The following MYO1D variants were observed in gnomAD, a reference collection of about 807,000 sequenced individuals.
MYO1D encodes unconventional myosin-Id.
Under a neutral mutation model 122.0 loss-of-function variants are expected in MYO1D, and 83 were observed. The ratio of observed to expected loss-of-function variants is 0.68; its 90% CI spans 0.57 to 0.82. The LOEUF is 0.82. Ranked by LOEUF, MYO1D falls within the 40% of genes least tolerant of loss-of-function variation. The pLI, the probability that MYO1D is intolerant of heterozygous loss-of-function variation, is 0.00. For missense variants in MYO1D, 1,157 were observed against 1,269.5 expected (o/e 0.91, Z 1.35); for synonymous variants, 464 against 446.9 (o/e 1.04, Z -0.48).
chr17:32,719,498 C>T (rs545733115), intron 15 of MYO1D, among the ~76,000 whole-genome samples: 1 of 152,092 alleles, frequency 6.6e-6, no homozygotes, highest in Non-Finnish European at 1.5e-5. Context: ...CTACAGGCGC[C>T]CGCCACCACG....
chr17:32,541,617 G>A (rs1374373911), intron 21 of MYO1D, among the ~76,000 whole-genome samples: 3 of 152,182 alleles, frequency 2.0e-5, no homozygotes, highest in African/African-American at 7.2e-5. Context: ...TAGTTAGCTA[G>A]AAAGTATCTA....
At chr17:32,802,651 C>T (rs914562652) in intron 1 of MYO1D, among the ~76,000 whole-genome samples, 29 of 152,144 alleles carry the variant, frequency 1.9e-4, no homozygotes, top group African/African-American at 7.0e-4. Flanking sequence ...ATTAAAAACT[C>T]CTAAATTTCA....
chr17:32,733,065 T>G (rs987401137), intron 14 of MYO1D, among the ~76,000 whole-genome samples: 5 of 152,224 alleles, frequency 3.3e-5, no homozygotes, highest in African/African-American at 1.2e-4. Context: ...GTGCAGTGGC[T>G]GGACCTTATG....
chr17:32,542,975 C>T (rs1295699721), intron 21 of MYO1D, among the ~76,000 whole-genome samples: 1 of 152,188 alleles, frequency 6.6e-6, no homozygotes, highest in East Asian at 1.9e-4. Context: ...ACCTGTAATC[C>T]CGGCACTTTG....
At chr17:32,601,448 C>T (rs2087561927) in intron 21 of MYO1D, among the ~76,000 whole-genome samples, 1 of 152,126 alleles carries the variant, frequency 6.6e-6, no homozygotes, top group African/African-American at 2.4e-5. Flanking sequence ...GTCTGTTGTC[C>T]TACATGGGTA....
chr17:32,544,784 C>A (rs977861932), intron 21 of MYO1D, among the ~76,000 whole-genome samples: 8 of 152,184 alleles, frequency 5.3e-5, no homozygotes, highest in African/African-American at 1.9e-4. Flanking sequence ...ATGATCAACA[C>A]TTGTTCATGC....
At position 32,875,598 on chromosome 17, in the gene MYO1D, G is replaced by T. The variant is rs533366892; in HGVS notation, c.95+1180C>A. On this transcript the variant is annotated intron_variant, in intron 1 of 21. Transcript: ENST00000318217. Reference sequence around the variant, plus strand: ...AGCTGATGTAGAGGTATATCATTTTGATTAATATTTGGGGTGATTTCTATA... The same window carrying T: ...AGCTGATGTAGAGGTATATCATTTTTATTAATATTTGGGGTGATTTCTATA... 6.6e-5 allele frequency among the ~76,000 whole-genome samples: 10 copies of T among 152,240 alleles called. No homozygotes were observed. In the East Asian group the frequency reaches 1.9e-3, roughly 29 times the overall value.
In MYO1D at chr17:32,492,923, G is replaced by C. The variant is rs565620323; in HGVS notation, c.*1836C>G. ...TGGCGCTGGGGCTAAGGGGCCCAAGGCACCATCCAAAGGCTGGGAGGAAAG... is the reference window on the plus strand; with the variant it reads ...TGGCGCTGGGGCTAAGGGGCCCAAGCCACCATCCAAAGGCTGGGAGGAAAG... On this transcript the variant is annotated 3_prime_UTR_variant, in exon 22 of 22. Coordinates refer to ENST00000318217, the MANE Select transcript of MYO1D (RefSeq NM_015194.3). 2 of 152,702 alleles carry C rather than the reference G, an allele frequency of 1.3e-5. No homozygotes were observed. The highest frequency in any genetic ancestry group is 4.1e-4 in the South Asian group (2 of 4,826). 9.5% of individuals were successfully genotyped at this position (152,702 alleles called of 1,614,324 possible).
At chr17:32,870,554 G>C (rs1176664783) in intron 1 of MYO1D, among the ~76,000 whole-genome samples, 1 of 147,554 alleles carries the variant, frequency 6.8e-6, no homozygotes, top group African/African-American at 2.5e-5. Context: ...CCAACACACA[G>C]TTAAGTTCTA....
chr17:32,860,504 A>C (rs1462567375), intron 1 of MYO1D, among the ~76,000 whole-genome samples: 1 of 152,214 alleles, frequency 6.6e-6, no homozygotes, highest in East Asian at 1.9e-4. Flanking sequence ...CACACCTACA[A>C]CAATGTTATT....
Position 32,876,831 on chromosome 17 carries a change from G to C in MYO1D, c.42C>G (p.Phe14Leu), listed in dbSNP as rs2091237822. 2 of 1,524,338 alleles carry C rather than the reference G, an allele frequency of 1.3e-6. No homozygotes were observed. Among genetic ancestry groups the C allele is most frequent in the Non-Finnish European group, 8.8e-7 (1 of 1,136,506 alleles). The allele number at this position is 1,524,338 out of a possible 1,614,324, so 94.4% of individuals were successfully genotyped here. A position where few individuals can be genotyped will look rare whatever the true frequency, so the allele number is the denominator to read the frequency against. Residue 14 changes from phenylalanine (F) to leucine (L), a missense_variant, in exon 1 of 22, where the codon TTC (phenylalanine) becomes TTG (leucine). Coordinates refer to ENST00000318217, the MANE Select transcript of MYO1D (RefSeq NM_015194.3). ...GCATGGAGACGGTGTCCATCAGCAC[G>C]AAGTCTGCCTTGCCGAATTCCAGGC... is the stretch of plus-strand genomic sequence containing the variant. ...QESLEFGKAD[F>L]VLMDTVSMPE...
At position 32,760,726 on chromosome 17, in the gene MYO1D, T is replaced by G. The variant is rs528206864; in HGVS notation, c.1036-99A>C. ...TAAATTCCTGTCCACCTTCTCACTGTTTAGCATAGCCATTACTGGCCTCAG... is the reference window on the plus strand; with the variant it reads ...TAAATTCCTGTCCACCTTCTCACTGGTTAGCATAGCCATTACTGGCCTCAG... On this transcript the variant is annotated intron_variant, in intron 8 of 21. Coordinates refer to ENST00000318217, the MANE Select transcript of MYO1D (RefSeq NM_015194.3). 154 of 1,276,878 alleles carry G rather than the reference T, an allele frequency of 1.2e-4. No homozygotes were observed. The African/African-American group carries it at 2.2e-3, about 18-fold the overall frequency. The allele number at this position is 1,276,878 out of a possible 1,614,324, so 79.1% of individuals were successfully genotyped here. A position where few individuals can be genotyped will look rare whatever the true frequency, so the allele number is the denominator to read the frequency against.
chr17:32,873,664 G>T (rs2091202435), intron 1 of MYO1D, among the ~76,000 whole-genome samples: 1 of 152,160 alleles, frequency 6.6e-6, no homozygotes, highest in Non-Finnish European at 1.5e-5. Context: ...TCAGAGGAGG[G>T]TAAGGGTGCT....
At chr17:32,762,071 T>C (rs1483668619) in intron 8 of MYO1D, among the ~76,000 whole-genome samples, 1 of 151,958 alleles carries the variant, frequency 6.6e-6, no homozygotes, top group Non-Finnish European at 1.5e-5. Context: ...GGAAATTTAA[T>C]CTATGCAGTG....
intron 21 of MYO1D, among the ~76,000 whole-genome samples, chr17:32,528,294 G>A (rs1202023145): frequency 6.6e-6 from 1 of 152,194 alleles, no homozygotes; most frequent in East Asian, 1.9e-4. Context: ...TGGAGAGCTG[G>A]TAGCAAGGCA....
intron 1 of MYO1D, among the ~76,000 whole-genome samples, chr17:32,846,303 C>A (rs2151077970): frequency 6.6e-6 from 1 of 152,260 alleles, no homozygotes; most frequent in South Asian, 2.1e-4. Context: ...CAGGCATTAA[C>A]CAAAAAGTGT....
At chr17:32,703,451 GT>G (rs919547291) in intron 16 of MYO1D, among the ~76,000 whole-genome samples, 152 of 141,854 alleles carry the variant, frequency 1.1e-3, no homozygotes, top group Non-Finnish European at 9.6e-4. Context: ...CCTTTTGCTT[GT>G]TTTTTTTTTT....
chr17:32,844,489 G>C (rs529735167), intron 1 of MYO1D, among the ~76,000 whole-genome samples: 1 of 149,780 alleles, frequency 6.7e-6, no homozygotes, highest in South Asian at 2.1e-4. Context: ...GAGAGGCTGA[G>C]ACAGGAGGAT....
At chr17:32,844,457 A>C (rs1305684146) in intron 1 of MYO1D, among the ~76,000 whole-genome samples, 1 of 144,756 alleles carries the variant, frequency 6.9e-6, no homozygotes, top group Non-Finnish European at 1.5e-5. Flanking sequence ...TATGTGGCTC[A>C]TAACTGTAAT....
Sources: allele counts gnomAD v4.1 joint callset (sites outside exome capture counted in the v4.1 genomes callset), GRCh38; gene constraint gnomAD v4.1.1; transcripts MANE v1.5; gene names NCBI Gene and HGNC (gene_info 2026-07-23, HGNC 2026-07-21).